TBC1D1: variants seen among roughly 807,000 people sequenced by gnomAD.
TBC1D1 encodes TBC1 domain family member 1, also known as TBC1 (tre-2/USP6, BUB2, cdc16) domain family, member 1.
A neutral mutation model predicts 125.6 loss-of-function variants in TBC1D1; 89 were observed. The ratio of observed to expected loss-of-function variants is 0.71; its 90% confidence interval spans 0.60 to 0.85. The LOEUF is 0.85. Among genes scored for constraint, TBC1D1 ranks in the 40% least tolerant of loss-of-function variants. The pLI is 0.00. For synonymous variants in TBC1D1, 565 were observed against 564.1 expected (o/e 1.00, Z -0.02); for missense variants, 1,377 against 1,469.2 (o/e 0.94, Z 1.03).
chr4:38,135,582 A>G (rs1766361426), intron 19 of TBC1D1, among the ~76,000 whole-genome samples: 1 of 152,196 alleles, frequency 6.6e-6, no homozygotes, highest in African/African-American at 2.4e-5. Flanking sequence ...CGGAATGCAG[A>G]GGGGCTTCAA....
chr4:38,103,154 C>T lies in TBC1D1; in HGVS notation c.2554C>T (p.Leu852Phe). Residue 852 changes from leucine (L) to phenylalanine (F), a missense_variant, in exon 15 of 20, where the codon CTT becomes TTT. Leu to Phe is a conservative substitution (Grantham distance 22). Transcript: ENST00000261439. The stretch of plus-strand genomic sequence containing the variant: ...CCAGCAGCATGCGATTCTTATTGAC[C>T]TTGGTAAGTCTGTGCCATCGATTGG... The T allele has an allele frequency of 1.2e-6, 2 of 1,606,868 alleles. No homozygotes were observed. The highest frequency in any genetic ancestry group is 1.7e-6 in the Non-Finnish European group (2 of 1,177,294).
chr4:38,093,641 T>TTCAAGCG (rs1758827101), intron 13 of TBC1D1, among the ~76,000 whole-genome samples: 6 of 147,132 alleles, frequency 4.1e-5, no homozygotes, highest in Non-Finnish European at 7.6e-5. Flanking sequence ...TCTCCTGTCT[T>TTCAAGCG]AGCCTCCAGA....
intron 12 of TBC1D1, among the ~76,000 whole-genome samples, chr4:38,071,184 G>GGCAGCT (rs1017669803): frequency 6.6e-6 from 1 of 152,016 alleles, no homozygotes; most frequent in African/African-American, 2.4e-5. Context: ...CTCTTACTGT[G>GGCAGCT]GCAGCTGCAG....
chr4:37,931,336 A>G (rs1007872105), intron 2 of TBC1D1, among the ~76,000 whole-genome samples: 1 of 151,758 alleles, frequency 6.6e-6, no homozygotes, highest in Admixed American at 6.6e-5. Flanking sequence ...ACCTCAAGCT[A>G]TCCACCTGCC....
At chr4:37,976,655 T>G (rs1029251920) in intron 2 of TBC1D1, among the ~76,000 whole-genome samples, 3 of 152,194 alleles carry the variant, frequency 2.0e-5, no homozygotes, top group Non-Finnish European at 4.4e-5. Flanking sequence ...TGGACTTTTT[T>G]TTTTTTCAAC....
chr4:37,946,769 G>A (rs76685358), intron 2 of TBC1D1, among the ~76,000 whole-genome samples: 2,584 of 152,236 alleles, frequency 0.017, 36 homozygotes, highest in Non-Finnish European at 0.023. Context: ...GTCGATTGTA[G>A]TTGTCCTTCT....
At chr4:37,918,689 C>T (rs1423521176) in intron 2 of TBC1D1, among the ~76,000 whole-genome samples, 1 of 152,128 alleles carries the variant, frequency 6.6e-6, no homozygotes, top group Non-Finnish European at 1.5e-5. Context: ...CTCAGGTGGC[C>T]CGCCTGCCTT....
In TBC1D1 at chr4:38,021,701, T is replaced by C; in HGVS notation, c.1193T>C (p.Leu398Pro). 1 of 1,586,340 alleles carries C rather than the reference T, an allele frequency of 6.3e-7. No individual in the cohort carries two copies. The highest frequency in any genetic ancestry group is 8.6e-7 in the Non-Finnish European group (1 of 1,167,340). The change falls in exon 6 of 20, where the codon CTC (leucine) becomes CCC (proline). Residue 398 changes from leucine (L) to proline (P), a missense_variant. Transcript: ENST00000261439. ...TGCCCCCTGCAAAGCCTGCACAAGC[T>C]CTGTGAGAGGATAGAGGGTGAGTAG...
At chr4:38,054,407 T>C in intron 12 of TBC1D1, 69 bp downstream of exon 14, 1 of 1,598,866 alleles carries the variant, frequency 6.3e-7, no homozygotes, top group South Asian at 1.1e-5. Flanking sequence ...AGCCCCATCA[T>C]ATTGGTAAGA....
intron 12 of TBC1D1, among the ~76,000 whole-genome samples, chr4:38,078,853 CG>C (rs1436787000): frequency 1.3e-5 from 2 of 152,170 alleles, no homozygotes; most frequent in African/African-American, 4.8e-5. Context: ...CAGAGCTTCA[CG>C]GGGTATAGTT....
At chr4:37,933,593 GA>G (rs904540095) in intron 2 of TBC1D1, among the ~76,000 whole-genome samples, 3 of 151,718 alleles carry the variant, frequency 2.0e-5, no homozygotes, top group African/African-American at 4.8e-5. Context: ...TGTAAACTGG[GA>G]AAAAAAATAG....
chr4:38,003,239 G>A (rs942382658), intron 2 of TBC1D1, among the ~76,000 whole-genome samples: 4 of 152,122 alleles, frequency 2.6e-5, no homozygotes, highest in African/African-American at 4.8e-5. Flanking sequence ...CACAGACCTC[G>A]TGTATTTTGT....
chr4:38,061,237 A>C (rs1457167897), intron 12 of TBC1D1, among the ~76,000 whole-genome samples: 1 of 152,120 alleles, frequency 6.6e-6, no homozygotes, highest in East Asian at 1.9e-4. Flanking sequence ...CAGGAGACAC[A>C]GTGTGGGCGT....
chr4:37,929,764 C>T (rs1284380929), intron 2 of TBC1D1, among the ~76,000 whole-genome samples: 1 of 152,154 alleles, frequency 6.6e-6, no homozygotes, highest in Non-Finnish European at 1.5e-5. Context: ...CTTCTGTAGT[C>T]CTCCCTAACG....
chr4:38,033,471 C>T (rs1746600992), intron 7 of TBC1D1, among the ~76,000 whole-genome samples: 1 of 152,080 alleles, frequency 6.6e-6, no homozygotes, highest in Non-Finnish European at 1.5e-5. Flanking sequence ...TCACTGTCCC[C>T]CACCCCACAG....
intron 12 of TBC1D1, among the ~76,000 whole-genome samples, chr4:38,069,599 C>T (rs1754347979): frequency 6.6e-6 from 1 of 152,180 alleles, no homozygotes; most frequent in Non-Finnish European, 1.5e-5. Context: ...TTATTCTGCA[C>T]ACCAGCTCAC....
In TBC1D1 at chr4:37,995,725, G is replaced by C. The variant is rs1737657454; in HGVS notation, c.418-18784G>C. ...GTGTTCTGAGAAGTATTTGGAAATG[G>C]TTGTCTGGACGGCTTGCACTTTGGT... On this transcript the variant is annotated intron_variant, in intron 2 of 19. Coordinates refer to ENST00000261439, the MANE Select transcript of TBC1D1 (RefSeq NM_015173.4). This position sits in a 1 kb window ranked among gnomAD's most constrained non-coding sequence, Gnocchi z 4.3. 1 of 527,262 alleles carries C rather than the reference G, an allele frequency of 1.9e-6. No individual in the cohort carries two copies. The highest frequency in any genetic ancestry group is 3.8e-6 in the Non-Finnish European group (1 of 263,324). 32.7% of individuals were successfully genotyped at this position (527,262 alleles called of 1,614,324 possible).
intron 15 of TBC1D1, chr4:38,112,136 A>C: frequency 2.1e-6 from 2 of 941,900 alleles, no homozygotes; most frequent in South Asian, 4.9e-5. Flanking sequence ...TGGGGTGTAC[A>C]GGTGTTTTGC....
At chr4:37,974,834 C>T (rs1351695478) in intron 2 of TBC1D1, among the ~76,000 whole-genome samples, 3 of 152,230 alleles carry the variant, frequency 2.0e-5, no homozygotes, top group Non-Finnish European at 4.4e-5. Context: ...GCTGGGATTA[C>T]AGGCATGAGC....
Sources: gnomAD v4.1 joint callset for allele counts (sites outside exome capture counted in the v4.1 genomes callset) on GRCh38, gnomAD v4.1.1 for gene constraint, Gnocchi (gnomAD v3.1) non-coding constraint, MANE v1.5 for transcripts, NCBI Gene and HGNC (gene_info 2026-07-23, HGNC 2026-07-21) for gene names.